The following RBPMS variants were observed in gnomAD, a reference collection of about 807,000 sequenced individuals.
The protein encoded by RBPMS is RNA-binding protein with multiple splicing.
Under a neutral mutation model 26.8 loss-of-function variants are expected in RBPMS, and 7 were observed. The observed-to-expected ratio is 0.26, with a 90% CI of 0.15 to 0.49. The LOEUF (loss-of-function observed/expected upper bound fraction) is 0.49. Ranked by LOEUF, RBPMS falls within the 20% of genes least tolerant of loss-of-function variation. The probability of loss-of-function intolerance (pLI) is 0.98; values close to 1 mark genes in which losing one functional copy is unlikely to be tolerated. For missense variants in RBPMS, 186 were observed against 250.0 expected (o/e 0.74, Z 1.73); for synonymous variants, 96 against 93.3 (o/e 1.03, Z -0.17).
chr8:30,479,460 T>G, intron 4 of RBPMS, 83 bp downstream of exon 4: 1 of 1,008,102 alleles, frequency 9.9e-7, no homozygotes, highest in Non-Finnish European at 1.6e-6. Flanking sequence ...GGAAATCAAG[T>G]GGAAAGAATA....
Position 30,385,030 on chromosome 8 carries a change from A to G in RBPMS, c.-63A>G. On this transcript the variant is annotated 5_prime_UTR_variant, in exon 1 of 9. Transcript: ENST00000397323. ...CGCCCGGGGAAGGCTCCAGTGGGCT[A>G]GCGCGCCCTCGCCCAGCCCCGCGCC... 1.2e-5 allele frequency: 14 copies of G among 1,120,584 alleles called. No individual in the cohort carries two copies. The highest frequency in any genetic ancestry group is 1.7e-5 in the Non-Finnish European group (14 of 800,430). 69.4% of individuals were successfully genotyped at this position (1,120,584 alleles called of 1,614,324 possible). A position where few individuals can be genotyped will look rare whatever the true frequency, so the allele number is the denominator to read the frequency against.
At chr8:30,468,624 G>C (rs754185975) in intron 1 of RBPMS, among the ~76,000 whole-genome samples, 15 of 152,148 alleles carry the variant, frequency 9.9e-5, no homozygotes, top group Non-Finnish European at 1.5e-4. Flanking sequence ...ATTTGCATAT[G>C]TTTCTAAGTC....
chr8:30,528,600 C>T (rs543685002), intron 5 of RBPMS, among the ~76,000 whole-genome samples: 38 of 152,338 alleles, frequency 2.5e-4, no homozygotes, highest in African/African-American at 8.7e-4. Flanking sequence ...AGCTGTTACT[C>T]ATTCAAGACA....
At chr8:30,470,609 C>T (rs1370882259) in intron 1 of RBPMS, among the ~76,000 whole-genome samples, 1 of 152,064 alleles carries the variant, frequency 6.6e-6, no homozygotes, top group Non-Finnish European at 1.5e-5. Flanking sequence ...AATTATTTCC[C>T]CCTTGTCAAT....
At chr8:30,556,633 C>T (rs917259591) in intron 6 of RBPMS, 3 of 986,072 alleles carry the variant, frequency 3.0e-6, no homozygotes, top group South Asian at 4.7e-5. Context: ...GCACACAGAC[C>T]CATCACCCTC....
chr8:30,425,138 G>T (rs1191754538), intron 1 of RBPMS, among the ~76,000 whole-genome samples: 1 of 151,878 alleles, frequency 6.6e-6, no homozygotes, highest in Non-Finnish European at 1.5e-5. Flanking sequence ...TGTAGTTTTT[G>T]TAGCGACAAA....
chr8:30,547,235 G>A, intron 6 of RBPMS: 5 of 1,178,166 alleles, frequency 4.2e-6, no homozygotes, highest in Non-Finnish European at 4.9e-6. Flanking sequence ...AAATAATTTT[G>A]TTTTTCTTAG....
intron 1 of RBPMS, among the ~76,000 whole-genome samples, chr8:30,471,865 A>G (rs1271484957): frequency 1.3e-5 from 2 of 152,206 alleles, no homozygotes; most frequent in East Asian, 3.9e-4. Context: ...ATGAGGATGC[A>G]AAAGATACAG....
chr8:30,496,317 C>T (rs909875356), intron 4 of RBPMS, among the ~76,000 whole-genome samples: 2 of 151,982 alleles, frequency 1.3e-5, no homozygotes, highest in Non-Finnish European at 2.9e-5. Context: ...TACAGGCGTC[C>T]GCCACCACGC....
intron 1 of RBPMS, among the ~76,000 whole-genome samples, chr8:30,465,424 C>T (rs1275050572): frequency 6.6e-6 from 1 of 152,220 alleles, no homozygotes; most frequent in Non-Finnish European, 1.5e-5. Context: ...GGAATTCTCA[C>T]TTTTTCTCTT....
At chr8:30,435,596 G>GTACT in intron 1 of RBPMS, among the ~76,000 whole-genome samples, 1 of 152,288 alleles carries the variant, frequency 6.6e-6, no homozygotes, top group Admixed American at 6.5e-5. Context: ...GGGTCAGAGG[G>GTACT]TACTGTGTTG....
chr8:30,485,178 C>T (rs1471907507), intron 4 of RBPMS, among the ~76,000 whole-genome samples: 1 of 152,132 alleles, frequency 6.6e-6, no homozygotes, highest in Non-Finnish European at 1.5e-5. Context: ...GTTTCCTGTA[C>T]CACAGGTTTT....
intron 5 of RBPMS, among the ~76,000 whole-genome samples, chr8:30,506,619 G>C (rs1175764161): frequency 6.6e-6 from 1 of 152,108 alleles, no homozygotes; most frequent in Non-Finnish European, 1.5e-5. Flanking sequence ...ACTCAGAATT[G>C]GTACTCAAGG....
chr8:30,461,947 T>C (rs1431544334), intron 1 of RBPMS, among the ~76,000 whole-genome samples: 1 of 152,256 alleles, frequency 6.6e-6, no homozygotes, highest in Admixed American at 6.5e-5. Flanking sequence ...TTATGCCTTA[T>C]GTAATCTTTA....
rs1334492862 is a variant in RBPMS, at chr8:30,556,008, CA to C, written c.529-2878del. On this transcript the variant is annotated intron_variant, in intron 6 of 8. Transcript: ENST00000397323. ...CCTGGATGAGCCGCTCAGACTTGGC[CA>C]GGGGGGCACTGCCCTCTGCTGGAAG... 1.4e-5 allele frequency: 14 copies of C among 985,222 alleles called. No individual in the cohort carries two copies. The African/African-American group carries it at 1.6e-4, about 11-fold the overall frequency. The allele number at this position is 985,222 out of a possible 1,614,324, so 61.0% of individuals were successfully genotyped here.
rs548611426 is a variant in RBPMS at position 30,499,200 on chromosome 8, G to A, written c.247-5086G>A. Among the ~76,000 whole-genome samples, 201 of 152,274 alleles carry A rather than the reference G, an allele frequency of 1.3e-3. 2 individuals carry two copies. Among genetic ancestry groups the A allele is most frequent in the South Asian group, 0.012 (59 of 4,818 alleles). On this transcript the variant is annotated intron_variant, in intron 4 of 8. Coordinates refer to ENST00000397323, the MANE Select transcript of RBPMS (RefSeq NM_001008710.3). ...GAGAATTGCTTAAACACAGGAGGTG[G>A]AGGTTGCAGTAAGCCGCTGAGATCA...
chr8:30,568,240 C>T (rs1228372585), intron 8 of RBPMS, among the ~76,000 whole-genome samples: 1 of 152,130 alleles, frequency 6.6e-6, no homozygotes, highest in Non-Finnish European at 1.5e-5. Context: ...GGAGAACATT[C>T]CTTATCTGAC....
chr8:30,564,170 TCAGCAAAGACCTAGAACTTCACCAG>T (rs775659087), intron 7 of RBPMS: 6 of 152,186 alleles, frequency 3.9e-5, no homozygotes, highest in African/African-American at 7.2e-5. Flanking sequence ...AGGTAACATC[TCAGCAAAGACCTAGAACTTCACCAG>T]CTTTATACGG....
rs528598330 is a variant in RBPMS at position 30,446,183 on chromosome 8, G to A, written c.67-28596G>A. ...TATTAACTTTAAAGATGATTTTATCGTTTTATTATGGTAGTTATTCCTTCG... is the reference window on the plus strand; with the variant it reads ...TATTAACTTTAAAGATGATTTTATCATTTTATTATGGTAGTTATTCCTTCG... On this transcript the variant is annotated intron_variant, in intron 1 of 8. Transcript: ENST00000397323. 8.1e-4 allele frequency among the ~76,000 whole-genome samples: 124 copies of A among 152,196 alleles called. 3 individuals are homozygous for A. The highest frequency in any genetic ancestry group is 6.8e-3 in the Middle Eastern group (2 of 294).
Sources: gnomAD v4.1 joint callset for allele counts (sites outside exome capture counted in the v4.1 genomes callset) on GRCh38, gnomAD v4.1.1 for gene constraint, MANE v1.5 for transcripts, NCBI Gene and HGNC (gene_info 2026-07-23, HGNC 2026-07-21) for gene names.